OPCML: variants seen among roughly 807,000 people sequenced by gnomAD.
OPCML encodes the protein opioid-binding protein/cell adhesion molecule.
A neutral mutation model predicts 37.8 loss-of-function variants in OPCML; 13 were observed. That is an observed-to-expected ratio of 0.34 (90% CI 0.22 to 0.55). The LOEUF is 0.55. OPCML is among the 20% of genes least tolerant of loss of function. The probability of loss-of-function intolerance (pLI) is 0.91; values close to 1 mark genes in which losing one functional copy is unlikely to be tolerated. For missense variants in OPCML, 341 were observed against 435.6 expected, an observed-to-expected ratio of 0.78 and a Z score of 1.93; for synonymous variants, 176 against 168.8, an observed-to-expected ratio of 1.04 and a Z score of -0.33.
chr11:132,743,109 T>A (rs1376637549), intron 2 of OPCML, among the ~76,000 whole-genome samples: 1 of 152,206 alleles, frequency 6.6e-6, no homozygotes, highest in Admixed American at 6.5e-5. Flanking sequence ...AGGGTTCTGG[T>A]GCATGACAAC....
intron 2 of OPCML, among the ~76,000 whole-genome samples, chr11:132,671,153 C>T (rs1433698343): frequency 2.6e-5 from 4 of 152,056 alleles, no homozygotes; most frequent in South Asian, 2.1e-4. Flanking sequence ...GGACAGATGG[C>T]GGAGAAGGGA....
chr11:133,193,268 C>T (rs2136305431), intron 1 of OPCML, among the ~76,000 whole-genome samples: 1 of 152,258 alleles, frequency 6.6e-6, no homozygotes, highest in Non-Finnish European at 1.5e-5. Context: ...CCTAGGTGGG[C>T]TGGCTTCTTT....
At chr11:133,328,157 A>T (rs1006038057) in intron 1 of OPCML, among the ~76,000 whole-genome samples, 13 of 138,272 alleles carry the variant, frequency 9.4e-5, no homozygotes, top group African/African-American at 3.2e-4. Flanking sequence ...GTGTGTTTTA[A>T]TTTTTTTTTT....
At chr11:133,064,322 CT>C (rs1212441018) in intron 1 of OPCML, among the ~76,000 whole-genome samples, 4 of 152,246 alleles carry the variant, frequency 2.6e-5, no homozygotes, top group Non-Finnish European at 5.9e-5. Flanking sequence ...TGGGCAGCCC[CT>C]GGTACCGCAA....
intron 1 of OPCML, among the ~76,000 whole-genome samples, chr11:133,260,113 G>A (rs1941445750): frequency 6.6e-6 from 1 of 151,924 alleles, no homozygotes; most frequent in African/African-American, 2.4e-5. Context: ...AGTGAGTCCT[G>A]TGGCTCTCGG....
At chr11:132,761,275 TTATG>T (rs992498973) in intron 2 of OPCML, among the ~76,000 whole-genome samples, 1 of 150,696 alleles carries the variant, frequency 6.6e-6, no homozygotes, top group Middle Eastern at 3.2e-3. Flanking sequence ...AATCTGGTGA[TTATG>T]TGTCTTAGGG....
chr11:133,434,836 A>G (rs1412075904), intron 1 of OPCML, among the ~76,000 whole-genome samples: 1 of 147,318 alleles, frequency 6.8e-6, no homozygotes, highest in Non-Finnish European at 1.5e-5. Flanking sequence ...ACACACATAT[A>G]TATATTTAAT....
At chr11:132,503,910 A>G (rs965465674) in intron 4 of OPCML, among the ~76,000 whole-genome samples, 15 of 152,154 alleles carry the variant, frequency 9.9e-5, no homozygotes, top group Non-Finnish European at 2.1e-4. Context: ...AAGAAAATAC[A>G]GATGTGGTAG....
At chr11:133,458,110 C>T (rs1394338669) in intron 1 of OPCML, among the ~76,000 whole-genome samples, 3 of 151,860 alleles carry the variant, frequency 2.0e-5, no homozygotes, top group East Asian at 1.9e-4. Context: ...CGTACCATTG[C>T]ACTCCAGCCT....
intron 2 of OPCML, among the ~76,000 whole-genome samples, chr11:132,699,579 T>C (rs1222251089): frequency 6.6e-6 from 1 of 152,052 alleles, no homozygotes; most frequent in East Asian, 1.9e-4. Flanking sequence ...TTTTGTCACC[T>C]TTTTTCTGAA....
At chr11:133,156,726 G>T (rs935505830) in intron 1 of OPCML, among the ~76,000 whole-genome samples, 1 of 152,164 alleles carries the variant, frequency 6.6e-6, no homozygotes, top group Non-Finnish European at 1.5e-5. Context: ...CTATTAAATG[G>T]TGTCCCTTGG....
At chr11:132,818,542 G>A (rs897534749) in intron 2 of OPCML, among the ~76,000 whole-genome samples, 5 of 150,934 alleles carry the variant, frequency 3.3e-5, no homozygotes, top group African/African-American at 1.2e-4. Context: ...GGACTTGCCA[G>A]TCTTGCTCGC....
chr11:132,506,714 C>T (rs530971851), intron 4 of OPCML, among the ~76,000 whole-genome samples: 17 of 152,122 alleles, frequency 1.1e-4, no homozygotes, highest in African/African-American at 3.9e-4. Context: ...ATAAATCTAA[C>T]CACCACTATA....
chr11:132,723,839 T>A (rs75202981), intron 2 of OPCML, among the ~76,000 whole-genome samples: 2,262 of 152,312 alleles, frequency 0.015, 58 homozygotes, highest in African/African-American at 0.051. Flanking sequence ...CCTCTAGCCC[T>A]TTCCTTCTGC....
intron 1 of OPCML, among the ~76,000 whole-genome samples, chr11:133,031,203 G>T (rs927726883): frequency 6.6e-6 from 1 of 152,156 alleles, no homozygotes; most frequent in Non-Finnish European, 1.5e-5. Flanking sequence ...GAATGGATGG[G>T]TGGGTGGATG....
In OPCML at chr11:133,119,932, T is replaced by C. The variant is rs1264488786; in HGVS notation, c.62-176922A>G. Among the ~76,000 whole-genome samples the C allele has an allele frequency of 3.6e-4, 55 of 152,094 alleles. 2 individuals are homozygous for C. Among genetic ancestry groups the C allele is most frequent in the Admixed American group, 3.5e-3 (54 of 15,268 alleles). On this transcript the variant is annotated intron_variant, in intron 1 of 7. Transcript: ENST00000524381. Reference sequence around the variant, plus strand: ...GAGAGGGGTGATGCTGTGGGGCAGATGCAGGCTCTTCCTGCCAGTGCAGAA... The same window carrying C: ...GAGAGGGGTGATGCTGTGGGGCAGACGCAGGCTCTTCCTGCCAGTGCAGAA...
intron 1 of OPCML, among the ~76,000 whole-genome samples, chr11:132,985,569 C>T (rs1013698318): frequency 6.6e-6 from 1 of 152,308 alleles, no homozygotes; most frequent in East Asian, 1.9e-4. Flanking sequence ...TCAGACTTAA[C>T]CAGGAGAATA....
intron 1 of OPCML, among the ~76,000 whole-genome samples, chr11:133,523,168 A>G (rs950126325): frequency 6.6e-6 from 1 of 152,244 alleles, no homozygotes; most frequent in Non-Finnish European, 1.5e-5. Context: ...TAAGCCCTAC[A>G]TTAGACCCAG....
intron 3 of OPCML, among the ~76,000 whole-genome samples, chr11:132,560,440 T>A (rs2137499296): frequency 6.6e-6 from 1 of 152,322 alleles, no homozygotes; most frequent in East Asian, 1.9e-4. Context: ...TTTCTGAGAT[T>A]TTGGTGCATC....
Sources: allele counts gnomAD v4.1 joint callset (sites outside exome capture counted in the v4.1 genomes callset), GRCh38; gene constraint gnomAD v4.1.1; transcripts MANE v1.5; gene names NCBI Gene and HGNC (gene_info 2026-07-23, HGNC 2026-07-21).